RNF220: variants seen among roughly 807,000 people sequenced by gnomAD.
RNF220 encodes ring finger protein 220, also known as E3 ubiquitin-protein ligase RNF220.
RNF220 carries 7 observed loss-of-function variants against 67.1 expected under a neutral mutation model. The ratio of observed to expected loss-of-function variants is 0.10; its 90% confidence interval spans 0.06 to 0.20. RNF220 has a LOEUF of 0.20. RNF220 is among the 10% of genes least tolerant of loss of function. The probability of loss-of-function intolerance (pLI) is 1.00; values close to 1 mark genes in which losing one functional copy is unlikely to be tolerated. For missense variants in RNF220, 565 were observed against 740.3 expected (o/e 0.76, Z 2.75); for synonymous variants, 270 against 283.2 (o/e 0.95, Z 0.47).
chr1:44,587,133 C>CTCT lies in RNF220; in HGVS notation c.626-27023_626-27021dup, dbSNP rs1162488197. Among the ~76,000 whole-genome samples, 3 of 148,176 alleles carry CTCT rather than the reference C, an allele frequency of 2.0e-5. No homozygotes were observed. The East Asian group carries it at 5.9e-4, about 29-fold the overall frequency. On this transcript the variant is annotated intron_variant, in intron 2 of 14. Coordinates refer to ENST00000361799, the MANE Select transcript of RNF220 (RefSeq NM_018150.4). ...TGAAATTCCACTATTGTATCTTCTT[C>CTCT]TCTTCTTCTTCCTTTTTTTTTTTTT...
chr1:44,518,799 C>T (rs964749643), intron 2 of RNF220, among the ~76,000 whole-genome samples: 13 of 151,648 alleles, frequency 8.6e-5, no homozygotes, highest in South Asian at 2.1e-4. Flanking sequence ...GGCGTGAACC[C>T]GGGAGGCAGA....
chr1:44,457,221 A>G (rs971452286), intron 2 of RNF220, among the ~76,000 whole-genome samples: 11 of 152,202 alleles, frequency 7.2e-5, no homozygotes, highest in Non-Finnish European at 1.6e-4. Flanking sequence ...AATATAAAAT[A>G]GTAAATTGAG....
intron 2 of RNF220, among the ~76,000 whole-genome samples, chr1:44,578,069 G>A (rs1393226177): frequency 1.3e-5 from 2 of 151,282 alleles, no homozygotes; most frequent in Non-Finnish European, 2.9e-5. Context: ...GCCTCCCAAA[G>A]TGGCTCAGAT....
chr1:44,616,837 C>G (rs531604174), intron 3 of RNF220, among the ~76,000 whole-genome samples: 1 of 152,278 alleles, frequency 6.6e-6, no homozygotes, highest in East Asian at 1.9e-4. Context: ...AGCTCTCTGT[C>G]TGCCTCCTCG....
At chr1:44,614,766 C>T (rs961309238) in intron 3 of RNF220, among the ~76,000 whole-genome samples, 3 of 151,332 alleles carry the variant, frequency 2.0e-5, no homozygotes, top group Admixed American at 6.6e-5. Context: ...CACTGTCCCA[C>T]CCCACCTCAC....
chr1:44,485,788 T>G (rs1486985852), intron 2 of RNF220, among the ~76,000 whole-genome samples: 1 of 152,170 alleles, frequency 6.6e-6, no homozygotes, highest in Non-Finnish European at 1.5e-5. Context: ...TTTAAGATGC[T>G]GGGGTAATTA....
chr1:44,575,866 A>G (rs1327021617), intron 2 of RNF220, among the ~76,000 whole-genome samples: 1 of 152,210 alleles, frequency 6.6e-6, no homozygotes, highest in Non-Finnish European at 1.5e-5. Flanking sequence ...CTGCTCTCCC[A>G]CTAGTCTGCA....
intron 2 of RNF220, among the ~76,000 whole-genome samples, chr1:44,530,861 G>A (rs898944252): frequency 6.6e-6 from 1 of 152,166 alleles, no homozygotes; most frequent in Non-Finnish European, 1.5e-5. Flanking sequence ...TATTTGGGAA[G>A]CTGAGGCAGG....
intron 2 of RNF220, among the ~76,000 whole-genome samples, chr1:44,573,665 G>A (rs1664603626): frequency 6.6e-6 from 1 of 152,196 alleles, no homozygotes; most frequent in African/African-American, 2.4e-5. Context: ...AGAAAATTTG[G>A]AATTAATAGA....
chr1:44,547,982 A>G (rs1380727996), intron 2 of RNF220, among the ~76,000 whole-genome samples: 1 of 151,932 alleles, frequency 6.6e-6, no homozygotes, highest in East Asian at 1.9e-4. Context: ...CGCACACATC[A>G]ACTCGCAACT....
intron 1 of RNF220, among the ~76,000 whole-genome samples, chr1:44,410,314 G>C (rs541241322): frequency 6.6e-6 from 1 of 152,188 alleles, no homozygotes; most frequent in African/African-American, 2.4e-5. Flanking sequence ...CATGTTGTAT[G>C]ACCATTAATC....
chr1:44,645,317 G>T lies in RNF220; in HGVS notation c.1366+41G>T. 6.2e-7 allele frequency: 1 copy of T among 1,613,390 alleles called. No individual in the cohort carries two copies. The highest frequency in any genetic ancestry group is 8.5e-7 in the Non-Finnish European group (1 of 1,179,402). ...GGTTAGGAGTAATGGGGGAGAGGGG[G>T]TATCCCTAGATGGTGGTGACTGACT... is the stretch of plus-strand genomic sequence containing the variant. On this transcript the variant is annotated intron_variant, in intron 11 of 14. Transcript: ENST00000361799. This position sits in a 1 kb window ranked among gnomAD's most constrained non-coding sequence, Gnocchi z 5.0.
intron 2 of RNF220, among the ~76,000 whole-genome samples, chr1:44,561,831 C>T (rs1663596285): frequency 6.6e-6 from 1 of 152,076 alleles, no homozygotes; most frequent in East Asian, 1.9e-4. Context: ...GCAGGAGAAT[C>T]ACTCGAACTC....
chr1:44,605,027 C>A (rs554761838), intron 2 of RNF220, among the ~76,000 whole-genome samples: 3 of 152,110 alleles, frequency 2.0e-5, no homozygotes, highest in African/African-American at 7.2e-5. Context: ...AGGGGCCGGG[C>A]GCGGTGGCTC....
chr1:44,602,119 A>G (rs1329868501), intron 2 of RNF220, among the ~76,000 whole-genome samples: 1 of 152,120 alleles, frequency 6.6e-6, no homozygotes, highest in Non-Finnish European at 1.5e-5. Flanking sequence ...ACTTAGGTTG[A>G]TGACAAGGAT....
At chr1:44,493,429 G>T (rs1316744860) in intron 2 of RNF220, among the ~76,000 whole-genome samples, 1 of 152,010 alleles carries the variant, frequency 6.6e-6, no homozygotes. Context: ...CAGGAGAATC[G>T]CTTGAACCTG....
chr1:44,587,554 G>A (rs1056583136), intron 2 of RNF220, among the ~76,000 whole-genome samples: 3 of 152,080 alleles, frequency 2.0e-5, no homozygotes, highest in East Asian at 1.9e-4. Flanking sequence ...TGCTGGCCTC[G>A]GCTCCTTTGA....
chr1:44,470,123 G>A (rs1654673906), intron 2 of RNF220, among the ~76,000 whole-genome samples: 1 of 152,158 alleles, frequency 6.6e-6, no homozygotes, highest in African/African-American at 2.4e-5. Flanking sequence ...GGAGATGATG[G>A]GTGCTTAGAC....
At chr1:44,576,994 G>A (rs1664854141) in intron 2 of RNF220, among the ~76,000 whole-genome samples, 1 of 152,172 alleles carries the variant, frequency 6.6e-6, no homozygotes. Context: ...GGAGGGTAAG[G>A]AATTGAGCAT....
Sources: gnomAD v4.1 joint callset for allele counts (sites outside exome capture counted in the v4.1 genomes callset) on GRCh38, gnomAD v4.1.1 for gene constraint, Gnocchi (gnomAD v3.1) non-coding constraint, MANE v1.5 for transcripts, NCBI Gene and HGNC (gene_info 2026-07-23, HGNC 2026-07-21) for gene names.